The following APC variants were observed in gnomAD, a reference collection of about 807,000 sequenced individuals.
APC encodes APC regulator of Wnt signaling pathway.
APC carries 72 observed loss-of-function variants against 247.0 expected under a neutral mutation model. That is an observed-to-expected ratio of 0.29 (90% confidence interval 0.24 to 0.35). The LOEUF is 0.35. Ranked by LOEUF, APC falls within the 10% of genes least tolerant of loss-of-function variation. The pLI is 1.00. For missense variants in APC, 3,400 were observed against 3,360.7 expected (o/e 1.01, Z -0.29); for synonymous variants, 1,254 against 1,162.5 (o/e 1.08, Z -1.60).
intron 10 of APC, among the ~76,000 whole-genome samples, 191 bp from the exon 11 acceptor site, chr5:112,821,705 A>G (rs185818705): frequency 3.4e-4 from 52 of 152,296 alleles, no homozygotes; most frequent in Admixed American, 3.2e-3. Flanking sequence ...TATGGAAACA[A>G]ATCCCTTTAT....
rs574294366 is a variant in APC at position 112,779,245 on chromosome 5, A to G, written c.532-1545A>G. ...TTGGGACTATAACTTATGAAGAAAA[A>G]TACCAAAGTGTAGTTTTGCTTACCG... On this transcript the variant is annotated intron_variant, in intron 5 of 15. Coordinates refer to ENST00000257430, the MANE Select transcript of APC (RefSeq NM_000038.6). 5.5e-4 allele frequency among the ~76,000 whole-genome samples: 84 copies of G among 152,322 alleles called. 1 individual carries two copies. Among genetic ancestry groups the G allele is most frequent in the African/African-American group, 2.0e-3 (83 of 41,572 alleles).
At chr5:112,736,220 G>C (rs1752373937), upstream of APC, among the ~76,000 whole-genome samples, 1 of 152,166 alleles carries the variant, frequency 6.6e-6, no homozygotes, top group Non-Finnish European at 1.5e-5. Context: ...GAGTTATTTA[G>C]AATATAATCA....
intron 1 of APC, among the ~76,000 whole-genome samples, chr5:112,743,599 C>G (rs764141829): frequency 3.9e-5 from 6 of 152,140 alleles, no homozygotes; most frequent in Non-Finnish European, 5.9e-5. Context: ...ATTTTATCAT[C>G]ACTTAATTTA....
intron 8 of APC, among the ~76,000 whole-genome samples, chr5:112,805,963 C>T (rs1580472170): frequency 1.3e-5 from 2 of 152,330 alleles, no homozygotes; most frequent in South Asian, 2.1e-4. Context: ...AACCTGGCCC[C>T]TACCTATCTT....
chr5:112,839,712 C>T lies in APC; in HGVS notation c.4118C>T (p.Pro1373Leu), dbSNP rs1220647493. The change falls in exon 16 of 16, where the codon CCT becomes CTT. Residue 1373 changes from proline to leucine, a missense_variant. By Grantham distance (98) the Pro-to-Leu change is moderately conservative (BLOSUM62 -3). This residue lies in a region of APC where 715 missense variants were observed against 656.6 expected (regional missense o/e 1.09). Transcript: ENST00000257430. The surrounding 1 kb of genome is among the most constrained non-coding windows in gnomAD (Gnocchi z 5.0). ...GGTGCTCAGACACCCAAAAGTCCAC[C>T]TGAACACTATGTTCAGGAGACCCCA... is the stretch of plus-strand genomic sequence containing the variant. ...KSGAQTPKSP[P>L]EHYVQETPLM... 1.2e-6 allele frequency: 2 copies of T among 1,614,126 alleles called. No individual in the cohort carries two copies. The highest frequency in any genetic ancestry group is 2.2e-5 in the South Asian group (2 of 91,086).
At chr5:112,780,745 C>A (rs371435392) in intron 5 of APC, 45 bp from the exon 6 acceptor site, 2 of 1,381,842 alleles carry the variant, frequency 1.4e-6, no homozygotes, top group Non-Finnish European at 2.0e-6. Context: ...TACTGATTAA[C>A]GTAAATACAA....
rs375117466 is a variant in APC, at chr5:112,740,580, G to A, written c.-19+2655G>A. On this transcript the variant is annotated intron_variant, in intron 1 of 15. Transcript: ENST00000257430. Reference sequence around the variant, plus strand: ...TCACTTTGTCAACCCAGGCTGGCGTGCAGTAGCAAACATGGCTCACTTGCA... The same window carrying A: ...TCACTTTGTCAACCCAGGCTGGCGTACAGTAGCAAACATGGCTCACTTGCA... Among the ~76,000 whole-genome samples, 81 of 137,478 alleles carry A rather than the reference G, an allele frequency of 5.9e-4. No individual in the cohort carries two copies. The South Asian group carries it at 0.017, about 29-fold the overall frequency. The allele number at this position is 137,478 out of a possible 152,430, so 90.2% of individuals were successfully genotyped here. A position where few individuals can be genotyped will look rare whatever the true frequency, so the allele number is the denominator to read the frequency against.
At chr5:112,707,952 G>A (rs2149631950) in intron 1 of APC, 7 of 1,285,258 alleles carry the variant, frequency 5.4e-6, no homozygotes, top group South Asian at 2.9e-5. Context: ...GCCGCTGCTC[G>A]GGACCCTACG....
rs2149641363 is a variant in APC, at chr5:112,780,914, T to A, written c.645+11T>A. On this transcript the variant is annotated intron_variant, in intron 6 of 15. Coordinates refer to ENST00000257430, the MANE Select transcript of APC (RefSeq NM_000038.6). ...GAAAAACGAGCACAGGTAAGTTACT[T>A]GTTTCTAAGTGATAAAACAGCGAAG... 1 of 1,532,506 alleles carries A rather than the reference T, an allele frequency of 6.5e-7. No individual in the cohort carries two copies. Among genetic ancestry groups the A allele is most frequent in the Non-Finnish European group, 9.0e-7 (1 of 1,108,230 alleles). 94.9% of individuals were successfully genotyped at this position (1,532,506 alleles called of 1,614,324 possible). A position where few individuals can be genotyped will look rare whatever the true frequency, so the allele number is the denominator to read the frequency against.
chr5:112,709,627 T>C (rs1172081340), intron 1 of APC, among the ~76,000 whole-genome samples: 2 of 152,144 alleles, frequency 1.3e-5, no homozygotes, highest in African/African-American at 4.8e-5. Flanking sequence ...TGGCAGGGTG[T>C]GGTGGCTCAT....
chr5:112,827,916 A>T lies in APC; in HGVS notation c.1549-13A>T, dbSNP rs587781267. ...TCTTTTTAATGATCCTCTATTCTGT[A>T]TTTAATTTACAGGCTACGCTATGCT... is the stretch of plus-strand genomic sequence containing the variant. On this transcript the variant is annotated splice_polypyrimidine_tract_variant and intron_variant, in intron 12 of 15. Coordinates refer to ENST00000257430, the MANE Select transcript of APC (RefSeq NM_000038.6). The T allele has an allele frequency of 2.4e-5, 39 of 1,610,170 alleles. No homozygotes were observed. Among genetic ancestry groups the T allele is most frequent in the Non-Finnish European group, 3.0e-5 (35 of 1,177,150 alleles).
In APC at chr5:112,837,968, A is replaced by G. The variant is rs1161062254; in HGVS notation, c.2374A>G (p.Lys792Glu). Reference protein sequence around the residue: ...KASHRSKQRHKQSLYGDYVFD... With the variant: ...KASHRSKQRHEQSLYGDYVFD... ...ATCTCATCGTAGTAAGCAGAGACAC[A>G]AGCAAAGTCTCTATGGTGATTATGT... The change falls in exon 16 of 16, where the codon AAG (lysine) becomes GAG (glutamate). Residue 792 changes from lysine to glutamate, a missense_variant. By Grantham distance (56) the Lys-to-Glu change is moderately conservative (BLOSUM62 1). Around this residue, in one of 9 missense-constraint regions of APC, gnomAD observed 91 missense variants for 103.3 expected, o/e 0.88. Coordinates refer to ENST00000257430, the MANE Select transcript of APC (RefSeq NM_000038.6). The G allele has an allele frequency of 6.2e-7, 1 of 1,614,160 alleles. No homozygotes were observed. The highest frequency in any genetic ancestry group is 8.5e-7 in the Non-Finnish European group (1 of 1,180,022).
At chr5:112,791,158 C>A (rs892354534) in intron 6 of APC, among the ~76,000 whole-genome samples, 5 of 150,310 alleles carry the variant, frequency 3.3e-5, no homozygotes, top group African/African-American at 4.9e-5. Context: ...GCTTAAAAAA[C>A]ACACACACAC....
At chr5:112,787,100 C>G (rs1017453028) in intron 6 of APC, among the ~76,000 whole-genome samples, 1 of 152,096 alleles carries the variant, frequency 6.6e-6, no homozygotes, top group Non-Finnish European at 1.5e-5. Flanking sequence ...GTTGCCCAGT[C>G]TGGCCTCGAA....
intron 1 of APC, among the ~76,000 whole-genome samples, chr5:112,739,153 G>A (rs1374366161): frequency 6.6e-6 from 1 of 152,118 alleles, no homozygotes. Context: ...TTAAATTAAA[G>A]CAACATGGCT....
chr5:112,823,553 C>T (rs1369734326), intron 11 of APC, among the ~76,000 whole-genome samples: 2 of 152,072 alleles, frequency 1.3e-5, no homozygotes, highest in East Asian at 3.8e-4. Context: ...AAAGAAATCC[C>T]AAATAGGTAA....
At chr5:112,809,041 T>G (rs758585225) in intron 8 of APC, among the ~76,000 whole-genome samples, 2 of 152,138 alleles carry the variant, frequency 1.3e-5, no homozygotes, top group Non-Finnish European at 2.9e-5. Flanking sequence ...TTTAAAGATG[T>G]TAGGTCTGAG....
Position 112,842,697 on chromosome 5 carries a change from C to T in APC, c.7103C>T (p.Ser2368Phe), listed in dbSNP as rs547564330. The T allele has an allele frequency of 1.2e-6, 2 of 1,613,190 alleles. No individual in the cohort carries two copies. Among genetic ancestry groups the T allele is most frequent in the South Asian group, 1.1e-5 (1 of 91,062 alleles). ...SSGSGKMSYT[S>F]PGRQMSQQNL... ...GGTTCTGGAAAAATGTCATATACAT[C>T]TCCAGGTAGACAGATGAGCCAACAG... Residue 2368 changes from serine (S) to phenylalanine (F), a missense_variant, in exon 16 of 16, where the codon TCT becomes TTT. This residue lies in a region of APC where 1,788 missense variants were observed against 1,649.5 expected (regional missense o/e 1.08). Transcript: ENST00000257430.
chr5:112,714,330 C>T (rs1751033131), intron 1 of APC, among the ~76,000 whole-genome samples: 1 of 152,178 alleles, frequency 6.6e-6, no homozygotes. Context: ...CCAGTAGTGC[C>T]CCTGCACATG....
Sources: gnomAD v4.1 joint callset for allele counts (sites outside exome capture counted in the v4.1 genomes callset) on GRCh38, gnomAD v4.1.1 for gene constraint, gnomAD v4.1.1 regional missense constraint, Gnocchi (gnomAD v3.1) non-coding constraint, MANE v1.5 for transcripts, NCBI Gene and HGNC (gene_info 2026-07-23, HGNC 2026-07-21) for gene names.